SELENOS: variants seen among roughly 807,000 people sequenced by gnomAD.
SELENOS encodes VCP interacting membrane selenoprotein.
SELENOS carries 37 observed loss-of-function variants against 30.2 expected under a neutral mutation model. That is an observed-to-expected ratio of 1.23 (90% CI 0.94 to 1.61). The LOEUF is 1.61. Ranked by LOEUF, SELENOS falls within the 40% of genes most tolerant of loss-of-function variation. The probability of loss-of-function intolerance (pLI) is 0.00; values close to 1 mark genes in which losing one functional copy is unlikely to be tolerated. For synonymous variants in SELENOS, 119 were observed against 91.6 expected (o/e 1.30, Z -1.71); for missense variants, 289 against 231.8 (o/e 1.25, Z -1.60).
At chr15:101,275,179 C>T in intron 3 of SELENOS, 76 bp downstream of exon 3, 2 of 1,306,650 alleles carry the variant, frequency 1.5e-6, no homozygotes, top group Non-Finnish European at 1.0e-6. Flanking sequence ...TTATAGACAA[C>T]ACAGACACAG....
chr15:101,273,214 C>T (rs566618898), intron 5 of SELENOS, among the ~76,000 whole-genome samples: 5 of 149,140 alleles, frequency 3.4e-5, no homozygotes, highest in African/African-American at 1.3e-4. Flanking sequence ...GGGCTGTTCA[C>T]GCTACAGAAA....
chr15:101,274,638 C>T lies in SELENOS; in HGVS notation c.362G>A (p.Ser121Asn), dbSNP rs1356291698. The T allele has an allele frequency of 4.3e-6, 7 of 1,613,552 alleles. No individual in the cohort carries two copies. Among genetic ancestry groups the T allele is most frequent in the Non-Finnish European group, 5.9e-6 (7 of 1,179,826 alleles). ...TTTGTAACTTTTTCCTTCTTGCATG[C>T]TGTCCCACATTTCAATCTTCTGTCT... ...KRRQKIEMWD[S>N]MQEGKSYKGN... is the part of the protein sequence containing the mutation. The change falls in exon 4 of 6, where the codon AGC becomes AAC. Residue 121 changes from serine to asparagine, a missense_variant. Coordinates refer to ENST00000526049, the MANE Select transcript of SELENOS (RefSeq NM_018445.6).
intron 1 of SELENOS, 85 bp from the exon 2 acceptor site, chr15:101,276,760 C>T: frequency 1.3e-6 from 2 of 1,497,256 alleles, no homozygotes; most frequent in Non-Finnish European, 1.8e-6. Context: ...CAAAGTGTAA[C>T]TCCTGCCCTC....
chr15:101,274,653 A>G lies in SELENOS; in HGVS notation c.347T>C (p.Ile116Thr), dbSNP rs1419694353. The G allele has an allele frequency of 6.8e-6, 11 of 1,613,064 alleles. No individual in the cohort carries two copies. Among genetic ancestry groups the G allele is most frequent in the South Asian group, 4.4e-5 (4 of 90,856 alleles). ...TTCTTGCATGCTGTCCCACATTTCA[A>G]TCTTCTGTCTCCTTTTTTCTTCTTC... is the stretch of plus-strand genomic sequence containing the variant. ...QLEEEKRRQK[I>T]EMWDSMQEGK... Residue 116 changes from isoleucine (I) to threonine (T), a missense_variant, in exon 4 of 6, where the codon ATT (isoleucine) becomes ACT (threonine). By Grantham distance (89) the Ile-to-Thr change is moderately conservative (BLOSUM62 -1). Coordinates refer to ENST00000526049, the MANE Select transcript of SELENOS (RefSeq NM_018445.6).
At chr15:101,277,091 C>A in intron 1 of SELENOS, 1 of 707,316 alleles carries the variant, frequency 1.4e-6, no homozygotes, top group Non-Finnish European at 2.5e-6. Context: ...GTAACTACCA[C>A]AGGAAGGGCT....
downstream of SELENOS, chr15:101,270,896 TCCTTCCACCCCTA>T (rs1185782171): frequency 6.6e-6 from 1 of 152,066 alleles, no homozygotes; most frequent in Non-Finnish European, 1.5e-5. Flanking sequence ...CCTGACACCC[TCCTTCCACCCCTA>T]CCAAAAGGTG....
rs1327820666 is a variant in SELENOS, at chr15:101,275,342, T to A, written c.231A>T (p.Lys77Asn). 1 of 1,578,188 alleles carries A rather than the reference T, an allele frequency of 6.3e-7. No homozygotes were observed. Among genetic ancestry groups the A allele is most frequent in the Non-Finnish European group, 8.6e-7 (1 of 1,161,154 alleles). The change falls in exon 3 of 6, where the codon AAA (lysine) becomes AAT (asparagine). Residue 77 changes from lysine to asparagine, a missense_variant. Coordinates refer to ENST00000526049, the MANE Select transcript of SELENOS (RefSeq NM_018445.6). ...AAAVEPDVVV[K>N]RQEALAAARL... ...GAGCAGCTGCTAAAGCTTCTTGTCG[T>A]TTAACAACAACATCAGGTTCTAAAA...
intron 5 of SELENOS, among the ~76,000 whole-genome samples, chr15:101,273,784 G>A (rs1439025688): frequency 1.3e-5 from 2 of 152,184 alleles, no homozygotes; most frequent in Non-Finnish European, 2.9e-5. Context: ...AGTCCTCAAA[G>A]ACACCATCAG....
rs1243754066 is a variant in SELENOS at position 101,276,630 on chromosome 15, C to T, written c.122G>A (p.Cys41Tyr). Residue 41 changes from cysteine (C) to tyrosine (Y), a missense_variant, in exon 2 of 6, where the codon TGC (cysteine) becomes TAC (tyrosine). Coordinates refer to ENST00000526049, the MANE Select transcript of SELENOS (RefSeq NM_018445.6). Reference sequence around the variant, plus strand: ...CTGAAAGACCACGTAGAGAAGGATGCAGCTGAAGACGATGTACCAGCCATA... The same window carrying T: ...CTGAAAGACCACGTAGAGAAGGATGTAGCTGAAGACGATGTACCAGCCATA... ...ATYGWYIVFSCILLYVVFQKL... is the reference protein window; with the variant it reads ...ATYGWYIVFSYILLYVVFQKL... 3.1e-6 allele frequency: 5 copies of T among 1,613,552 alleles called. No homozygotes were observed. In the Admixed American group the frequency reaches 5.0e-5, roughly 16 times the overall value.
downstream of SELENOS, among the ~76,000 whole-genome samples, chr15:101,271,967 G>C (rs770437188): frequency 1.3e-5 from 2 of 152,220 alleles, no homozygotes; most frequent in South Asian, 2.1e-4. Context: ...GAGTCATGGC[G>C]TAAGGGAATA....
downstream of SELENOS, chr15:101,271,075 G>A (rs2039262872): frequency 6.6e-6 from 1 of 152,118 alleles, no homozygotes; most frequent in Non-Finnish European, 1.5e-5. Context: ...TTGTGTTGAG[G>A]GCTCTTGATG....
In SELENOS at chr15:101,277,371, G is replaced by C. The variant is rs1202575212; in HGVS notation, c.47C>G (p.Thr16Ser). Residue 16 changes from threonine (T) to serine (S), a missense_variant, in exon 1 of 6, where the codon ACC becomes AGC. By Grantham distance (58) the Thr-to-Ser change is moderately conservative. Coordinates refer to ENST00000526049, the MANE Select transcript of SELENOS (RefSeq NM_018445.6). ...ESLSARPALE[T>S]EGLRFLHTTV... ...GGTGTGCAGGAAGCGCAGCCCCTCG[G>C]TCTCCAGGGCCGGCCGCGCGGACAG... The C allele has an allele frequency of 1.3e-6, 2 of 1,513,890 alleles. No homozygotes were observed. Among genetic ancestry groups the C allele is most frequent in the Non-Finnish European group, 1.8e-6 (2 of 1,138,686 alleles). 93.8% of individuals were successfully genotyped at this position (1,513,890 alleles called of 1,614,324 possible).
chr15:101,271,216 TAAA>T, downstream of SELENOS: 1 of 152,216 alleles, frequency 6.6e-6, no homozygotes, highest in East Asian at 1.9e-4. Context: ...GGAAGAATGT[TAAA>T]AAGTTTCCTT....
intron 5 of SELENOS, 195 bp downstream of exon 5, chr15:101,274,225 T>A (rs1412121715): frequency 7.6e-6 from 5 of 659,050 alleles, no homozygotes; most frequent in Non-Finnish European, 2.6e-6. Flanking sequence ...GTTAGAATAC[T>A]ATAAGTACAA....
intron 2 of SELENOS, among the ~76,000 whole-genome samples, chr15:101,275,931 A>G (rs563630956): frequency 2.6e-5 from 4 of 151,302 alleles, no homozygotes; most frequent in East Asian, 1.9e-4. Context: ...AAAAAAAAAA[A>G]AAAGAAAGAA....
intron 5 of SELENOS, among the ~76,000 whole-genome samples, chr15:101,273,865 G>C (rs931554568): frequency 1.3e-5 from 2 of 152,214 alleles, no homozygotes; most frequent in Non-Finnish European, 2.9e-5. Flanking sequence ...CAGTGTTCTA[G>C]TGTGTTTGTT....
At chr15:101,272,980 G>A in intron 5 of SELENOS, 124 bp from the exon 6 acceptor site, 2 of 781,230 alleles carry the variant, frequency 2.6e-6, no homozygotes, top group South Asian at 4.2e-5. Context: ...GATCCTAAGG[G>A]ACATTTAAAA....
In SELENOS at chr15:101,277,403, C is replaced by T. The variant is rs989963028; in HGVS notation, c.15G>A (p.Glu5=). Residue 5 remains glutamate (E), a synonymous_variant, in exon 1 of 6, where the codon GAG becomes GAA. Coordinates refer to ENST00000526049, the MANE Select transcript of SELENOS (RefSeq NM_018445.6). ...GGGCCGGCCGCGCGGACAGAGACTCCTCTTGGCGTTCCATGACCGCCGCCG... is the reference window on the plus strand; with the variant it reads ...GGGCCGGCCGCGCGGACAGAGACTCTTCTTGGCGTTCCATGACCGCCGCCG... MERQ[E]ESLSARPALE... The T allele has an allele frequency of 3.4e-6, 5 of 1,490,736 alleles. No homozygotes were observed. The highest frequency in any genetic ancestry group is 4.4e-6 in the Non-Finnish European group (5 of 1,127,954). 92.3% of individuals were successfully genotyped at this position (1,490,736 alleles called of 1,614,324 possible).
intron 2 of SELENOS, among the ~76,000 whole-genome samples, 173 bp from the exon 3 acceptor site, chr15:101,275,534 C>T (rs571816768): frequency 6.6e-5 from 10 of 152,222 alleles, no homozygotes; most frequent in Non-Finnish European, 1.3e-4. Context: ...CTTCAGGGGG[C>T]AGGGGTCTGT....
Sources: allele counts gnomAD v4.1 joint callset (sites outside exome capture counted in the v4.1 genomes callset), GRCh38; gene constraint gnomAD v4.1.1; transcripts MANE v1.5; gene names NCBI Gene and HGNC (gene_info 2026-07-23, HGNC 2026-07-21).